The following LRFN5 variants were observed in gnomAD, a reference collection of about 807,000 sequenced individuals.
LRFN5 encodes leucine-rich repeat and fibronectin type-III domain-containing protein 5.
Under a neutral mutation model 45.6 loss-of-function variants are expected in LRFN5, and 24 were observed. That is an observed-to-expected ratio of 0.53 (90% CI 0.38 to 0.74). The LOEUF (loss-of-function observed/expected upper bound fraction) is 0.74, where lower values mean the gene tolerates loss of function less well. LRFN5 is among the 30% of genes least tolerant of loss of function. The probability of loss-of-function intolerance (pLI) is 0.00; values close to 1 mark genes in which losing one functional copy is unlikely to be tolerated. For missense variants in LRFN5, 776 were observed against 861.5 expected (o/e 0.90, Z 1.24); for synonymous variants, 340 against 313.8 (o/e 1.08, Z -0.88).
intron 3 of LRFN5, among the ~76,000 whole-genome samples, chr14:41,890,060 C>T (rs1890721137): frequency 6.6e-6 from 1 of 152,056 alleles, no homozygotes; most frequent in East Asian, 2.0e-4. Context: ...GACGGTGTTT[C>T]ACCGTATCGG....
At chr14:41,626,515 A>T (rs960514335) in intron 1 of LRFN5, among the ~76,000 whole-genome samples, 3 of 152,040 alleles carry the variant, frequency 2.0e-5, no homozygotes, top group Non-Finnish European at 2.9e-5. Context: ...GTACCTGTAG[A>T]ATCTGAACAT....
chr14:41,677,662 A>G (rs1030080551), intron 1 of LRFN5, among the ~76,000 whole-genome samples: 1 of 152,260 alleles, frequency 6.6e-6, no homozygotes. Context: ...AGAAGAGAGA[A>G]TCAGCAGACT....
intron 4 of LRFN5, chr14:41,894,910 G>A (rs1890890574): frequency 1.0e-6 from 1 of 983,358 alleles, no homozygotes; most frequent in Admixed American, 6.2e-5. Flanking sequence ...TCATATATAT[G>A]TGATCTGAAG....
intron 1 of LRFN5, among the ~76,000 whole-genome samples, chr14:41,617,712 A>C (rs1887973512): frequency 6.6e-6 from 1 of 152,252 alleles, no homozygotes; most frequent in South Asian, 2.1e-4. Flanking sequence ...CTTTTTGATA[A>C]AATAGTGTGA....
chr14:41,798,695 T>C (rs1387837729), intron 2 of LRFN5, among the ~76,000 whole-genome samples: 1 of 152,046 alleles, frequency 6.6e-6, no homozygotes, highest in Non-Finnish European at 1.5e-5. Context: ...CACTTTTTTT[T>C]CCCTGAAACA....
At chr14:41,699,773 A>G (rs1440533185) in intron 1 of LRFN5, 2 of 152,134 alleles carry the variant, frequency 1.3e-5, no homozygotes, top group African/African-American at 4.8e-5. Flanking sequence ...ACATGGAGAT[A>G]TCATCAACAG....
At chr14:41,608,651 T>G (rs1402617409) in intron 1 of LRFN5, 89 bp downstream of exon 1, 3 of 152,646 alleles carry the variant, frequency 2.0e-5, no homozygotes, top group African/African-American at 7.2e-5. Flanking sequence ...CTTTACTTAT[T>G]AATGTTTTGA....
rs181770751 is a variant in LRFN5 at position 41,811,134 on chromosome 14, G to A, written c.-21+44105G>A. ...TAATCTGAACAGACATTTCTCCAAA[G>A]AAGGTATAAAAATAGTCAATAAGCA... On this transcript the variant is annotated intron_variant, in intron 2 of 5. Transcript: ENST00000298119. Among the ~76,000 whole-genome samples, 276 of 152,056 alleles carry A rather than the reference G, an allele frequency of 1.8e-3. 3 individuals carry two copies. Among genetic ancestry groups the A allele is most frequent in the Admixed American group, 3.1e-3 (47 of 15,236 alleles).
intron 1 of LRFN5, among the ~76,000 whole-genome samples, chr14:41,636,247 A>G (rs1430938270): frequency 6.6e-6 from 1 of 152,214 alleles, no homozygotes; most frequent in Non-Finnish European, 1.5e-5. Context: ...ATGAGGAAAT[A>G]CATCATGGAG....
chr14:41,609,705 C>A (rs1331742865), intron 1 of LRFN5, among the ~76,000 whole-genome samples: 3 of 152,204 alleles, frequency 2.0e-5, no homozygotes. Context: ...GTTCGTTTGT[C>A]TCCCGCCTTT....
intron 1 of LRFN5, among the ~76,000 whole-genome samples, chr14:41,674,875 C>T (rs1277822816): frequency 2.0e-5 from 3 of 151,286 alleles, no homozygotes; most frequent in African/African-American, 2.4e-5. Context: ...AGGGTCTCCT[C>T]GCTTCTCAGA....
At chr14:41,889,407 T>G (rs536388935) in intron 3 of LRFN5, among the ~76,000 whole-genome samples, 1 of 152,234 alleles carries the variant, frequency 6.6e-6, no homozygotes, top group East Asian at 1.9e-4. Flanking sequence ...GGACATGGAC[T>G]ATGATACATC....
At chr14:41,661,903 G>A (rs1880673764) in intron 1 of LRFN5, among the ~76,000 whole-genome samples, 1 of 152,030 alleles carries the variant, frequency 6.6e-6, no homozygotes, top group South Asian at 2.1e-4. Flanking sequence ...AAGTTAATAT[G>A]TGTACTTAGC....
At chr14:41,759,448 T>TCTAC (rs1491235053) in intron 1 of LRFN5, among the ~76,000 whole-genome samples, 1,182 of 109,546 alleles carry the variant, frequency 0.011, 4 homozygotes, top group Non-Finnish European at 0.018. Flanking sequence ...TCTCTCTCTC[T>TCTAC]ACACACACAC....
chr14:41,855,306 G>A (rs1356331005), intron 2 of LRFN5, among the ~76,000 whole-genome samples: 1 of 152,172 alleles, frequency 6.6e-6, no homozygotes, highest in Non-Finnish European at 1.5e-5. Context: ...GATTTATTAT[G>A]TAATAAACCT....
intron 1 of LRFN5, among the ~76,000 whole-genome samples, chr14:41,664,153 C>T (rs926517314): frequency 6.6e-5 from 10 of 151,878 alleles, no homozygotes; most frequent in Non-Finnish European, 1.5e-4. Flanking sequence ...AGGTGAGACA[C>T]GAGGGAGTAA....
At chr14:41,634,788 T>G (rs1302310323) in intron 1 of LRFN5, among the ~76,000 whole-genome samples, 1 of 152,152 alleles carries the variant, frequency 6.6e-6, no homozygotes, top group Non-Finnish European at 1.5e-5. Context: ...TTTTGGCATA[T>G]TGAAAATCAT....
At chr14:41,627,448 G>T (rs995740139) in intron 1 of LRFN5, among the ~76,000 whole-genome samples, 10 of 151,982 alleles carry the variant, frequency 6.6e-5, no homozygotes, top group Non-Finnish European at 1.5e-4. Flanking sequence ...ACCATTTTTT[G>T]AAGCATTCCT....
intron 2 of LRFN5, among the ~76,000 whole-genome samples, chr14:41,824,059 A>G (rs75966902): frequency 0.086 from 13,044 of 151,896 alleles, 1,180 homozygotes; most frequent in East Asian, 0.49. Flanking sequence ...TTTTTCATTT[A>G]TATATTGAAT....
Sources: gnomAD v4.1 joint callset for allele counts (sites outside exome capture counted in the v4.1 genomes callset) on GRCh38, gnomAD v4.1.1 for gene constraint, MANE v1.5 for transcripts, NCBI Gene and HGNC (gene_info 2026-07-23, HGNC 2026-07-21) for gene names.